RAB28: variants seen among roughly 807,000 people sequenced by gnomAD.
RAB28 encodes RAB28, member RAS oncogene family, also known as ras-related protein Rab-28.
A neutral mutation model predicts 31.7 loss-of-function variants in RAB28; 24 were observed. The observed-to-expected ratio is 0.76, with a 90% CI of 0.55 to 1.06. The LOEUF (loss-of-function observed/expected upper bound fraction) is 1.06, where lower values mean the gene tolerates loss of function less well. Among genes scored for constraint, RAB28 ranks in the 50% least tolerant of loss-of-function variants. The pLI is 0.00. For synonymous variants in RAB28, 100 were observed against 90.4 expected (o/e 1.11, Z -0.60); for missense variants, 254 against 258.5 (o/e 0.98, Z 0.12).
chr4:13,479,061 A>G (rs1324530111), intron 2 of RAB28, among the ~76,000 whole-genome samples: 1 of 151,730 alleles, frequency 6.6e-6, no homozygotes, highest in Non-Finnish European at 1.5e-5. Flanking sequence ...AATCAAAATA[A>G]TATTTTAAAA....
intron 1 of RAB28, among the ~76,000 whole-genome samples, chr4:13,481,969 G>T (rs1479342559): frequency 7.2e-5 from 11 of 152,232 alleles, no homozygotes; most frequent in Non-Finnish European, 1.5e-5. Context: ...ACTGAATAGG[G>T]TATGGAGAAA....
At chr4:13,393,384 C>G (rs952117910) in intron 4 of RAB28, among the ~76,000 whole-genome samples, 1 of 152,140 alleles carries the variant, frequency 6.6e-6, no homozygotes, top group Non-Finnish European at 1.5e-5. Flanking sequence ...GGGCCTAGGC[C>G]TAAGGGTTTT....
chr4:13,373,199 G>C (rs1728781243), intron 6 of RAB28, among the ~76,000 whole-genome samples: 1 of 152,092 alleles, frequency 6.6e-6, no homozygotes, highest in South Asian at 2.1e-4. Flanking sequence ...CATTCTTAAA[G>C]AGCCGATTGC....
At chr4:13,472,774 T>C (rs1380337228) in intron 3 of RAB28, among the ~76,000 whole-genome samples, 6 of 151,960 alleles carry the variant, frequency 3.9e-5, no homozygotes, top group Non-Finnish European at 8.8e-5. Context: ...CACAAATCTC[T>C]GTCCAGCAAG....
chr4:13,389,224 T>C (rs566794748), intron 4 of RAB28, among the ~76,000 whole-genome samples: 1 of 152,270 alleles, frequency 6.6e-6, no homozygotes, highest in Non-Finnish European at 1.5e-5. Flanking sequence ...AAATATCATA[T>C]GATTCCACTC....
intron 4 of RAB28, chr4:13,459,822 A>C (rs933447355): frequency 1.6e-6 from 2 of 1,257,222 alleles, no homozygotes; most frequent in Middle Eastern, 2.2e-4. Context: ...CATTCAATGA[A>C]ATGCATCGCT....
chr4:13,453,338 C>T (rs1216908371), intron 4 of RAB28, among the ~76,000 whole-genome samples: 2 of 152,040 alleles, frequency 1.3e-5, no homozygotes, highest in Non-Finnish European at 2.9e-5. Flanking sequence ...GTTCTGTATA[C>T]CCTTTGTTCC....
chr4:13,414,110 G>A (rs995688050), intron 4 of RAB28, among the ~76,000 whole-genome samples: 3 of 152,110 alleles, frequency 2.0e-5, no homozygotes, highest in African/African-American at 7.2e-5. Flanking sequence ...CCACGCACGA[G>A]TCTCTGCACT....
intron 4 of RAB28, among the ~76,000 whole-genome samples, chr4:13,404,857 C>A (rs1217680462): frequency 1.3e-5 from 2 of 151,236 alleles, no homozygotes; most frequent in Non-Finnish European, 2.9e-5. Flanking sequence ...CAATACTAAC[C>A]AGTTTTTTTG....
At chr4:13,432,096 C>G (rs890458415) in intron 4 of RAB28, among the ~76,000 whole-genome samples, 1 of 151,840 alleles carries the variant, frequency 6.6e-6, no homozygotes, top group South Asian at 2.1e-4. Context: ...AAGAAAAAAC[C>G]AAGTGGAACC....
intron 4 of RAB28, among the ~76,000 whole-genome samples, chr4:13,407,848 T>A (rs928670276): frequency 2.0e-5 from 3 of 152,178 alleles, no homozygotes; most frequent in Non-Finnish European, 4.4e-5. Context: ...ATGCCTGCAA[T>A]TTTTGCACAT....
intron 4 of RAB28, among the ~76,000 whole-genome samples, chr4:13,412,196 G>A (rs1010847695): frequency 5.3e-5 from 8 of 152,140 alleles, no homozygotes; most frequent in African/African-American, 1.7e-4. Context: ...AAAGCTAACA[G>A]AGGAGAGCTA....
intron 1 of RAB28, among the ~76,000 whole-genome samples, chr4:13,481,518 A>G (rs1047561230): frequency 6.6e-5 from 10 of 152,004 alleles, no homozygotes; most frequent in Non-Finnish European, 1.5e-4. Context: ...CTGAATCTTT[A>G]TATTTTTTGA....
Position 13,479,415 on chromosome 4 carries a change from T to G in RAB28, c.172+15A>C, listed in dbSNP as rs1396795970. On this transcript the variant is annotated intron_variant, in intron 2 of 6. Transcript: ENST00000330852. ...TTTTTATAATCTTCTACGTTAAGAC[T>G]TTTTAGTCTCTTACCTGGCAATGTT... The G allele has an allele frequency of 6.5e-7, 1 of 1,550,372 alleles. No homozygotes were observed. Among genetic ancestry groups the G allele is most frequent in the Non-Finnish European group, 8.9e-7 (1 of 1,128,306 alleles).
chr4:13,459,303 G>A (rs1054616314), intron 4 of RAB28, among the ~76,000 whole-genome samples: 7 of 152,066 alleles, frequency 4.6e-5, no homozygotes, highest in Admixed American at 2.0e-4. Context: ...ATGGCCTATC[G>A]TGGGACTTTA....
At chr4:13,457,837 T>C (rs1289433146) in intron 4 of RAB28, among the ~76,000 whole-genome samples, 7 of 152,130 alleles carry the variant, frequency 4.6e-5, no homozygotes, top group Non-Finnish European at 1.0e-4. Flanking sequence ...ATGTATATAA[T>C]TATGTACCAC....
At chr4:13,438,200 A>G (rs1160261386) in intron 4 of RAB28, among the ~76,000 whole-genome samples, 1 of 152,230 alleles carries the variant, frequency 6.6e-6, no homozygotes, top group Non-Finnish European at 1.5e-5. Context: ...AAAACACTTT[A>G]TATCACCCTA....
At chr4:13,393,598 A>C (rs896691208) in intron 4 of RAB28, among the ~76,000 whole-genome samples, 6 of 152,142 alleles carry the variant, frequency 3.9e-5, no homozygotes, top group African/African-American at 1.2e-4. Context: ...TTCCAAATTT[A>C]GAATCTATTC....
At position 13,381,545 on chromosome 4, in the gene RAB28, A is replaced by G. The variant is rs745506846; in HGVS notation, c.441T>C (p.Phe147=). Reference sequence around the variant, plus strand: ...GGCTACTAAAACCATTTTCCTGGCAAAACCGTAAGTGTTTTTCAGGTTTTA... The same window carrying G: ...GGCTACTAAAACCATTTTCCTGGCAGAACCGTAAGTGTTTTTCAGGTTTTA... ...RTIKPEKHLR[F]CQENGFSSHF... Residue 147 remains phenylalanine, a synonymous_variant, in exon 5 of 7, where the codon TTT becomes TTC. Coordinates refer to ENST00000330852, the MANE Select transcript of RAB28 (RefSeq NM_001017979.3). 7 of 1,613,296 alleles carry G rather than the reference A, an allele frequency of 4.3e-6. No individual in the cohort carries two copies. Among genetic ancestry groups the G allele is most frequent in the Non-Finnish European group, 2.5e-6 (3 of 1,179,568 alleles).
Sources: gnomAD v4.1 joint callset for allele counts (sites outside exome capture counted in the v4.1 genomes callset) on GRCh38, gnomAD v4.1.1 for gene constraint, MANE v1.5 for transcripts, NCBI Gene and HGNC (gene_info 2026-07-23, HGNC 2026-07-21) for gene names.